Variants in PNPLA7 observed in about 807,000 individuals in gnomAD.
PNPLA7 encodes patatin-like phospholipase domain-containing protein 7.
A neutral mutation model predicts 161.7 loss-of-function variants in PNPLA7; 153 were observed. That is an observed-to-expected ratio of 0.95 (90% CI 0.83 to 1.08). The LOEUF (loss-of-function observed/expected upper bound fraction) is 1.08. Among genes scored for constraint, PNPLA7 ranks in the 50% least tolerant of loss-of-function variants. PNPLA7 has a pLI of 0.00. For synonymous variants in PNPLA7, 809 were observed against 782.1 expected, an observed-to-expected ratio of 1.03 and a Z score of -0.57; for missense variants, 1,739 against 1,856.6, an observed-to-expected ratio of 0.94 and a Z score of 1.16.
chr9:137,518,702 G>A (rs1421986153), intron 11 of PNPLA7, among the ~76,000 whole-genome samples: 1 of 70,122 alleles, frequency 1.4e-5, no homozygotes, highest in Middle Eastern at 0.013. Context: ...ACTCCACTCT[G>A]CTCACTCCAT....
chr9:137,460,603 G>T, intron 34 of PNPLA7, 31 bp downstream of exon 34: 1 of 1,602,744 alleles, frequency 6.2e-7, no homozygotes. Flanking sequence ...TCAGCTGTGG[G>T]CACCAGGTGG....
rs375733962 is a variant in PNPLA7, at chr9:137,495,158, A to G, written c.2014-12T>C. The stretch of plus-strand genomic sequence containing the variant: ...GTCAGTGTCTCCACCTGAGGACAGG[A>G]GCCGGCTGCTGGGGCCGCGGGCTTG... On this transcript the variant is annotated splice_polypyrimidine_tract_variant and intron_variant, in intron 18 of 34. Coordinates refer to ENST00000406427, the MANE Select transcript of PNPLA7 (RefSeq NM_001098537.3). 4.0e-4 allele frequency: 628 copies of G among 1,582,676 alleles called. 3 individuals carry two copies. Among genetic ancestry groups the G allele is most frequent in the South Asian group, 1.7e-3 (150 of 90,036 alleles).
intron 14 of PNPLA7, among the ~76,000 whole-genome samples, chr9:137,502,263 G>T (rs1200837927): frequency 6.6e-6 from 1 of 152,110 alleles, no homozygotes; most frequent in Non-Finnish European, 1.5e-5. Context: ...AGCGTCTGCG[G>T]GCACCACACC....
chr9:137,550,209 G>C lies in PNPLA7; in HGVS notation c.-12C>G, dbSNP rs1293304718. 1.2e-6 allele frequency: 2 copies of C among 1,612,934 alleles called. No homozygotes were observed. The highest frequency in any genetic ancestry group is 1.7e-6 in the Non-Finnish European group (2 of 1,179,862). On this transcript the variant is annotated 5_prime_UTR_variant, in exon 1 of 35. Transcript: ENST00000406427. ...TTCTCTTCCTCCATGGCCAGAAACA[G>C]AAAAAACAGTCAGGGGCGAAAAGCA...
At chr9:137,510,413 A>C (rs1564334310) in intron 12 of PNPLA7, among the ~76,000 whole-genome samples, 1 of 152,180 alleles carries the variant, frequency 6.6e-6, no homozygotes, top group Non-Finnish European at 1.5e-5. Flanking sequence ...AAATACTAAT[A>C]GTCCCTGATA....
chr9:137,505,849 C>G (rs1022157488), intron 13 of PNPLA7, 89 bp from the exon 14 acceptor site: 1 of 1,555,676 alleles, frequency 6.4e-7, no homozygotes, highest in African/African-American at 1.4e-5. Context: ...TCGCACAGTG[C>G]GGAAAGGCCG....
At chr9:137,494,909 C>T (rs575278073) in intron 19 of PNPLA7, 124 bp downstream of exon 19, 23 of 859,836 alleles carry the variant, frequency 2.7e-5, no homozygotes, top group African/African-American at 1.0e-4. Flanking sequence ...ACCTGCTCTG[C>T]GCTCTCACCT....
rs1245254446 is a variant in PNPLA7, at chr9:137,540,949, C to T, written c.667-227G>A. On this transcript the variant is annotated intron_variant, in intron 7 of 34. Transcript: ENST00000406427. This position sits in a 1 kb window ranked among gnomAD's most constrained non-coding sequence, Gnocchi z 5.1. ...CAAGGAAAACAGACGGAGGAGACCC[C>T]ACCTCTCCATCCCATGACTCGTCTT... 2.0e-6 allele frequency: 1 copy of T among 509,740 alleles called. No homozygotes were observed. The highest frequency in any genetic ancestry group is 1.9e-5 in the African/African-American group (1 of 51,798). The allele number at this position is 509,740 out of a possible 1,614,324, so 31.6% of individuals were successfully genotyped here.
rs1836634710 is a variant in PNPLA7 at position 137,548,000 on chromosome 9, T to G, written c.31-341A>C. ...GGGGAGGCCAAGGCCCCCCTCTCAG[T>G]GTCGCCTCAGCCCCAGCAGGAGCAG... On this transcript the variant is annotated intron_variant, in intron 1 of 34. Coordinates refer to ENST00000406427, the MANE Select transcript of PNPLA7 (RefSeq NM_001098537.3). This position sits in a 1 kb window ranked among gnomAD's most constrained non-coding sequence, Gnocchi z 4.6. Among the ~76,000 whole-genome samples the G allele has an allele frequency of 6.6e-6, 1 of 152,120 alleles. No individual in the cohort carries two copies. Among genetic ancestry groups the G allele is most frequent in the Admixed American group, 6.5e-5 (1 of 15,272 alleles).
intron 26 of PNPLA7, 87 bp from the exon 27 acceptor site, chr9:137,464,543 T>C: frequency 8.2e-7 from 1 of 1,215,780 alleles, no homozygotes; most frequent in East Asian, 2.3e-5. Context: ...GGGCCTCTCA[T>C]GAATGGAACG....
chr9:137,524,671 A>G lies in PNPLA7; in HGVS notation c.748-1814T>C, dbSNP rs964656184. ...TCCTACAGCGGCTGCCGTGCTTTGC[A>G]TTCTCACCAGCGGTGAGTGAGTTTC... is the stretch of plus-strand genomic sequence containing the variant. On this transcript the variant is annotated intron_variant, in intron 8 of 34. Transcript: ENST00000406427. This position sits in a 1 kb window ranked among gnomAD's most constrained non-coding sequence, Gnocchi z 4.4. 2.0e-5 allele frequency among the ~76,000 whole-genome samples: 3 copies of G among 152,222 alleles called. No individual in the cohort carries two copies.
At position 137,497,256 on chromosome 9, in the gene PNPLA7, A is replaced by C. The variant is rs765315368; in HGVS notation, c.1944T>G (p.Ser648=). 6.3e-7 allele frequency: 1 copy of C among 1,592,436 alleles called. No individual in the cohort carries two copies. The highest frequency in any genetic ancestry group is 1.1e-5 in the South Asian group (1 of 87,482). ...TCTTCCCATCATCCTTCCGGATCAC[A>C]GAGCGCAGCCGGCCGCTGAGCATGA... is the stretch of plus-strand genomic sequence containing the variant. ...TYIMLSGRLR[S]VIRKDDGKKR... is the part of the protein sequence containing the mutation. Residue 648 remains serine, a synonymous_variant, in exon 18 of 35, where the codon TCT becomes TCG. Transcript: ENST00000406427.
At chr9:137,542,841 G>T in intron 6 of PNPLA7, 40 bp from the exon 7 acceptor site, 1 of 1,582,514 alleles carries the variant, frequency 6.3e-7, no homozygotes, top group Non-Finnish European at 8.6e-7. Flanking sequence ...CCCTTCCAGG[G>T]GAGGAGGACG....
chr9:137,465,044 G>T (rs534800486), intron 26 of PNPLA7, among the ~76,000 whole-genome samples: 2 of 152,304 alleles, frequency 1.3e-5, no homozygotes, highest in East Asian at 1.9e-4. Flanking sequence ...CCTCAAACTA[G>T]CCTCAATGCC....
intron 11 of PNPLA7, among the ~76,000 whole-genome samples, chr9:137,517,091 G>A (rs1834628012): frequency 7.7e-6 from 1 of 129,372 alleles, no homozygotes; most frequent in African/African-American, 3.0e-5. Flanking sequence ...ACTCCACTCT[G>A]TCCACTCCAT....
intron 8 of PNPLA7, among the ~76,000 whole-genome samples, chr9:137,538,764 T>C (rs1216103104): frequency 6.6e-6 from 1 of 152,148 alleles, no homozygotes; most frequent in African/African-American, 2.4e-5. Flanking sequence ...TAAATTCCAG[T>C]TAATGGGCCA....
intron 12 of PNPLA7, among the ~76,000 whole-genome samples, chr9:137,514,410 T>A (rs184239231): frequency 1.1e-5 from 1 of 91,044 alleles, no homozygotes; most frequent in Non-Finnish European, 2.1e-5. Context: ...GGCGGGTCAC[T>A]CGGATGTTGA....
intron 8 of PNPLA7, among the ~76,000 whole-genome samples, chr9:137,531,196 G>A (rs192260091): frequency 1.3e-5 from 2 of 152,200 alleles, no homozygotes; most frequent in East Asian, 1.9e-4. Flanking sequence ...CTGAAATCAC[G>A]GCCTGCTCCA....
chr9:137,498,604 T>A (rs899249039), intron 16 of PNPLA7, among the ~76,000 whole-genome samples: 5 of 152,192 alleles, frequency 3.3e-5, no homozygotes, highest in African/African-American at 1.2e-4. Flanking sequence ...TGGCTGGCAG[T>A]GAGTGCCGTG....
Sources: allele counts gnomAD v4.1 joint callset (sites outside exome capture counted in the v4.1 genomes callset), GRCh38; gene constraint gnomAD v4.1.1; non-coding constraint Gnocchi (gnomAD v3.1); transcripts MANE v1.5; gene names NCBI Gene and HGNC (gene_info 2026-07-23, HGNC 2026-07-21).